PSMC4: variants seen among roughly 807,000 people sequenced by gnomAD.
The protein encoded by PSMC4 is 26S proteasome regulatory subunit 6B.
A neutral mutation model predicts 48.4 loss-of-function variants in PSMC4; 13 were observed. That is an observed-to-expected ratio of 0.27 (90% CI 0.18 to 0.43). The LOEUF (loss-of-function observed/expected upper bound fraction) is 0.43, where lower values mean the gene tolerates loss of function less well. PSMC4 is among the 20% of genes least tolerant of loss of function. PSMC4 has a pLI of 1.00. For missense variants in PSMC4, 262 were observed against 555.9 expected (o/e 0.47, Z 5.32); for synonymous variants, 202 against 212.3 (o/e 0.95, Z 0.42).
chr19:39,972,658 C>G, intron 3 of PSMC4, 103 bp downstream of exon 3: 6 of 969,964 alleles, frequency 6.2e-6, no homozygotes, highest in Non-Finnish European at 9.0e-6. Flanking sequence ...GTGCAATGTT[C>G]TTCAGAGTAT....
chr19:39,981,081 T>C, intron 10 of PSMC4, 111 bp from the exon 11 acceptor site: 1 of 807,998 alleles, frequency 1.2e-6, no homozygotes, highest in South Asian at 1.5e-5. Context: ...GGTCTCGAAC[T>C]CTTGGGCTCA....
In PSMC4 at chr19:39,974,254, C is replaced by T. The variant is rs200122192; in HGVS notation, c.323-40C>T. 427 of 1,608,506 alleles carry T rather than the reference C, an allele frequency of 2.7e-4. No homozygotes were observed. The highest frequency in any genetic ancestry group is 5.3e-4 in the Admixed American group (32 of 59,860). On this transcript the variant is annotated intron_variant, in intron 3 of 10. Coordinates refer to ENST00000157812, the MANE Select transcript of PSMC4 (RefSeq NM_006503.4). This position sits in a 1 kb window ranked among gnomAD's most constrained non-coding sequence, Gnocchi z 5.5. ...GGAGGAAGGGGGAAGGGGCAGTTTCCAGGCTGACACTTCTCGTTTTCCTCT... is the reference window on the plus strand; with the variant it reads ...GGAGGAAGGGGGAAGGGGCAGTTTCTAGGCTGACACTTCTCGTTTTCCTCT...
Position 39,980,120 on chromosome 19 carries a change from G to C in PSMC4, c.892G>C (p.Gly298Arg). The C allele has an allele frequency of 6.2e-7, 1 of 1,614,152 alleles. No individual in the cohort carries two copies. Among genetic ancestry groups the C allele is most frequent in the Non-Finnish European group, 8.5e-7 (1 of 1,180,032 alleles). The change falls in exon 8 of 11, where the codon GGA (glycine) becomes CGA (arginine). Residue 298 changes from glycine to arginine, a missense_variant. Around this residue, in one of 4 missense-constraint regions of PSMC4, gnomAD observed 84 missense variants for 157.8 expected, o/e 0.53. Coordinates refer to ENST00000157812, the MANE Select transcript of PSMC4 (RefSeq NM_006503.4). The surrounding 1 kb of genome is among the most constrained non-coding windows in gnomAD (Gnocchi z 4.8). The part of the protein sequence containing the change: ...ILLELLNQMD[G>R]FDQNVNVKVI... The stretch of plus-strand genomic sequence containing the variant: ...GCTGGAGCTGCTGAATCAGATGGAT[G>C]GATTTGATCAGAATGTCAATGTCAA...
chr19:39,979,122 C>G (rs148744985), intron 6 of PSMC4, among the ~76,000 whole-genome samples: 1 of 152,176 alleles, frequency 6.6e-6, no homozygotes, highest in Non-Finnish European at 1.5e-5. Context: ...ACTCAGAGCT[C>G]TTGGCGAGGC....
At chr19:39,978,768 G>A (rs531828420) in intron 6 of PSMC4, among the ~76,000 whole-genome samples, 1 of 152,262 alleles carries the variant, frequency 6.6e-6, no homozygotes, top group South Asian at 2.1e-4. Context: ...TATAATCCCA[G>A]CACTTTGGAA....
chr19:39,972,233 A>G lies in PSMC4; in HGVS notation c.124A>G (p.Ser42Gly), dbSNP rs1454725432. The G allele has an allele frequency of 5.0e-6, 8 of 1,613,864 alleles. No individual in the cohort carries two copies. The highest frequency in any genetic ancestry group is 6.8e-6 in the Non-Finnish European group (8 of 1,179,922). The change falls in exon 2 of 11, where the codon AGC becomes GGC. Residue 42 changes from serine to glycine, a missense_variant. Coordinates refer to ENST00000157812, the MANE Select transcript of PSMC4 (RefSeq NM_006503.4). The stretch of plus-strand genomic sequence containing the variant: ...GCCTGAGGACCTGGAGGACCTGTAC[A>G]GCCGCTACAAGGTACATTCGACCCC... The part of the protein sequence containing the change: ...PEPEDLEDLY[S>G]RYKKLQQELE...
In PSMC4 at chr19:39,972,139, C is replaced by T. The variant is rs762394545; in HGVS notation, c.37-7C>T. 1.2e-5 allele frequency: 20 copies of T among 1,611,044 alleles called. No individual in the cohort carries two copies. Among genetic ancestry groups the T allele is most frequent in the Admixed American group, 6.7e-5 (4 of 59,920 alleles). On this transcript the variant is annotated splice_region_variant and splice_polypyrimidine_tract_variant and intron_variant, in intron 1 of 10. Coordinates refer to ENST00000157812, the MANE Select transcript of PSMC4 (RefSeq NM_006503.4). ...TCTTCCAATGTGAGTTATCCCCTTTCGTCTAGGATGAGATCCCAGCACTGT... is the reference window on the plus strand; with the variant it reads ...TCTTCCAATGTGAGTTATCCCCTTTTGTCTAGGATGAGATCCCAGCACTGT...
intron 6 of PSMC4, among the ~76,000 whole-genome samples, chr19:39,978,484 C>G (rs1971240258): frequency 6.6e-6 from 1 of 152,080 alleles, no homozygotes; most frequent in African/African-American, 2.4e-5. Flanking sequence ...AATGAGCCCC[C>G]AGCTGATGCA....
At chr19:39,975,312 TCTCA>T (rs1284970977) in intron 6 of PSMC4, among the ~76,000 whole-genome samples, 2 of 152,012 alleles carry the variant, frequency 1.3e-5, no homozygotes, top group Admixed American at 6.6e-5. Flanking sequence ...AGAGATAGGG[TCTCA>T]CTCTGTTGCC....
At chr19:39,979,691 G>T in intron 6 of PSMC4, 126 bp from the exon 7 acceptor site, 1 of 974,520 alleles carries the variant, frequency 1.0e-6, no homozygotes. Context: ...ATGAGGGAAT[G>T]ACACAACTAC....
chr19:39,972,153 T>G lies in PSMC4; in HGVS notation c.44T>G (p.Ile15Ser). The G allele has an allele frequency of 1.2e-6, 2 of 1,613,942 alleles. No individual in the cohort carries two copies. Among genetic ancestry groups the G allele is most frequent in the Non-Finnish European group, 1.7e-6 (2 of 1,179,864 alleles). Residue 15 changes from isoleucine to serine, a missense_variant, in exon 2 of 11, where the codon ATC becomes AGC. Physicochemically the swap from Ile to Ser is moderately radical, Grantham distance 142. This residue lies in a region of PSMC4 where 33 missense variants were observed against 35.5 expected (regional missense o/e 0.93). Coordinates refer to ENST00000157812, the MANE Select transcript of PSMC4 (RefSeq NM_006503.4). Reference protein sequence around the residue: ...GILVEKAQDEIPALSVSRPQT... With the variant: ...GILVEKAQDESPALSVSRPQT... ...TTATCCCCTTTCGTCTAGGATGAGA[T>G]CCCAGCACTGTCCGTGTCCCGGCCC...
rs1484813224 is a variant in PSMC4 at position 39,979,933 on chromosome 19, A to G, written c.790A>G (p.Ile264Val). Residue 264 changes from isoleucine to valine, a missense_variant, in exon 7 of 11, where the codon ATA (isoleucine) becomes GTA (valine). Ile to Val is a conservative substitution (Grantham distance 29). Around this residue, in one of 4 missense-constraint regions of PSMC4, gnomAD observed 14 missense variants for 86.0 expected, o/e 0.16. Coordinates refer to ENST00000157812, the MANE Select transcript of PSMC4 (RefSeq NM_006503.4). ...GGAGAATGCACCTGCCATCATCTTC[A>G]TAGACGAGATTGATGCCATCGCCAC... Reference protein sequence around the residue: ...AKENAPAIIFIDEIDAIATKR... With the variant: ...AKENAPAIIFVDEIDAIATKR... 4 of 1,614,080 alleles carry G rather than the reference A, an allele frequency of 2.5e-6. No individual in the cohort carries two copies. Among genetic ancestry groups the G allele is most frequent in the Non-Finnish European group, 3.4e-6 (4 of 1,180,002 alleles).
At chr19:39,977,803 T>C (rs1472796340) in intron 6 of PSMC4, among the ~76,000 whole-genome samples, 1 of 150,692 alleles carries the variant, frequency 6.6e-6, no homozygotes, top group Non-Finnish European at 1.5e-5. Context: ...GCCCGGCCAA[T>C]AGTGCGAGAT....
intron 6 of PSMC4, 118 bp from the exon 7 acceptor site, chr19:39,979,696 AACT>A (rs2144619001): frequency 1.9e-6 from 2 of 1,026,374 alleles, no homozygotes; most frequent in East Asian, 5.6e-5. Context: ...GGAATGACAC[AACT>A]ACTAGGTATG....
rs1568374766 is a variant in PSMC4, at chr19:39,974,250, T to C, written c.323-44T>C. On this transcript the variant is annotated intron_variant, in intron 3 of 10. Transcript: ENST00000157812. This position sits in a 1 kb window ranked among gnomAD's most constrained non-coding sequence, Gnocchi z 5.5. ...GGAGGGAGGAAGGGGGAAGGGGCAG[T>C]TTCCAGGCTGACACTTCTCGTTTTC... 1 of 1,607,426 alleles carries C rather than the reference T, an allele frequency of 6.2e-7. No homozygotes were observed.
At chr19:39,976,247 ATATAT>A (rs1568375676) in intron 6 of PSMC4, among the ~76,000 whole-genome samples, 49 of 107,594 alleles carry the variant, frequency 4.6e-4, no homozygotes, top group African/African-American at 1.2e-3. Context: ...CAAAAAAAAT[ATATAT>A]ATATATATAT....
intron 1 of PSMC4, 49 bp from the exon 2 acceptor site, chr19:39,972,097 T>C: frequency 6.5e-7 from 1 of 1,543,000 alleles, no homozygotes. Flanking sequence ...TGGGAAGCTT[T>C]CATGAGAGGA....
At chr19:39,976,782 T>A (rs919886566) in intron 6 of PSMC4, among the ~76,000 whole-genome samples, 2 of 151,884 alleles carry the variant, frequency 1.3e-5, no homozygotes, top group African/African-American at 4.8e-5. Context: ...GTGCTGTGAT[T>A]ACAGGCGTGA....
At chr19:39,975,976 C>T (rs62108923) in intron 6 of PSMC4, among the ~76,000 whole-genome samples, 37,562 of 151,826 alleles carry the variant, frequency 0.25, 6,258 homozygotes, top group East Asian at 0.53. Context: ...GGGCCAGGCG[C>T]GGTGGCTCAC....
Sources: gnomAD v4.1 joint callset for allele counts (sites outside exome capture counted in the v4.1 genomes callset) on GRCh38, gnomAD v4.1.1 for gene constraint, gnomAD v4.1.1 regional missense constraint, Gnocchi (gnomAD v3.1) non-coding constraint, MANE v1.5 for transcripts, NCBI Gene and HGNC (gene_info 2026-07-23, HGNC 2026-07-21) for gene names.